Variants in ENTPD3 observed in about 807,000 individuals in gnomAD.
The protein encoded by ENTPD3 is ectonucleoside triphosphate diphosphohydrolase 3.
In ENTPD3, 60 loss-of-function variants were observed where a neutral mutation model predicts 51.2. The observed-to-expected ratio is 1.17, with a 90% CI of 0.95 to 1.45. The LOEUF is 1.45. Among genes scored for constraint, ENTPD3 ranks in the 40% most tolerant of loss-of-function variants. The pLI, the probability that ENTPD3 is intolerant of heterozygous loss-of-function variation, is 0.00. For missense variants in ENTPD3, 593 were observed against 641.1 expected (o/e 0.93, Z 0.81); for synonymous variants, 221 against 238.4 (o/e 0.93, Z 0.67).
intron 8 of ENTPD3, 83 bp from the exon 9 acceptor site, chr3:40,423,208 C>T (rs1471222087): frequency 6.4e-7 from 1 of 1,552,394 alleles, no homozygotes; most frequent in Non-Finnish European, 8.8e-7. Context: ...GACTTGTTAG[C>T]CACCTTCTTA....
intron 7 of ENTPD3, 121 bp from the exon 8 acceptor site, chr3:40,422,729 T>C (rs954740855): frequency 2.6e-5 from 20 of 766,034 alleles, no homozygotes; most frequent in Non-Finnish European, 4.1e-5. Flanking sequence ...GGTGTATATG[T>C]GCCATATTTT....
chr3:40,414,840 G>A lies in ENTPD3; in HGVS notation c.597G>A (p.Glu199=), dbSNP rs1056162441. 6 of 1,613,948 alleles carry A rather than the reference G, an allele frequency of 3.7e-6. No individual in the cohort carries two copies. The highest frequency in any genetic ancestry group is 1.7e-5 in the Admixed American group (1 of 60,020). Residue 199 remains glutamate, a splice_region_variant and synonymous_variant, in exon 6 of 11, where the codon GAG becomes GAA. Transcript: ENST00000301825. The part of the protein sequence containing the change: ...TANYLMGNFL[E]KNLWHMWVHP... ...ACTATTTAATGGGAAATTTCCTGGA[G>A]GTGTGTGCAAACAAATGCATGGTTT...
At chr3:40,425,059 C>A in intron 10 of ENTPD3, 1 of 273,652 alleles carries the variant, frequency 3.7e-6, no homozygotes, top group Non-Finnish European at 7.1e-6. Flanking sequence ...ACATAATATT[C>A]TAAGTTAAAA....
chr3:40,391,544 C>G (rs1303634751), intron 2 of ENTPD3: 1 of 155,216 alleles, frequency 6.4e-6, no homozygotes, highest in Non-Finnish European at 1.4e-5. Flanking sequence ...GCCGTGGTAG[C>G]AGGCACCTGT....
chr3:40,399,324 A>G (rs1237779905), intron 3 of ENTPD3: 1 of 151,990 alleles, frequency 6.6e-6, no homozygotes, highest in Non-Finnish European at 1.5e-5. Context: ...TTGTGATTTT[A>G]TTTGTTTCTT....
chr3:40,389,608 A>C (rs935237842), intron 2 of ENTPD3, among the ~76,000 whole-genome samples: 1 of 152,176 alleles, frequency 6.6e-6, no homozygotes, highest in Non-Finnish European at 1.5e-5. Context: ...TTTCAATGAC[A>C]AGGTAGGAGG....
intron 5 of ENTPD3, among the ~76,000 whole-genome samples, chr3:40,413,611 C>T (rs1467089730): frequency 2.0e-5 from 3 of 152,136 alleles, no homozygotes. Context: ...TCCCCTCCCT[C>T]CCCCAGTCTT....
intron 4 of ENTPD3, among the ~76,000 whole-genome samples, chr3:40,402,092 A>G (rs889359306): frequency 2.0e-4 from 25 of 123,004 alleles, no homozygotes; most frequent in African/African-American, 6.6e-4. Flanking sequence ...ATGAGTAACT[A>G]TCTTGTTCAT....
intron 7 of ENTPD3, among the ~76,000 whole-genome samples, chr3:40,422,035 CAAGTG>C (rs775834986): frequency 6.6e-6 from 1 of 151,806 alleles, no homozygotes; most frequent in Non-Finnish European, 1.5e-5. Context: ...ATTTTCTCAC[CAAGTG>C]AAGTTCATAA....
At chr3:40,403,398 A>C (rs933473318) in intron 4 of ENTPD3, among the ~76,000 whole-genome samples, 10 of 152,156 alleles carry the variant, frequency 6.6e-5, no homozygotes, top group Admixed American at 3.9e-4. Flanking sequence ...CTCAGGCCTG[A>C]TGAAGCTTCA....
At chr3:40,403,870 AACTT>A (rs1955430775) in intron 4 of ENTPD3, among the ~76,000 whole-genome samples, 3 of 151,976 alleles carry the variant, frequency 2.0e-5, no homozygotes, top group African/African-American at 7.3e-5. Flanking sequence ...GCTGGTCTTG[AACTT>A]CTGGGCTCAA....
intron 4 of ENTPD3, among the ~76,000 whole-genome samples, chr3:40,410,253 C>T (rs1271327443): frequency 6.6e-6 from 1 of 151,962 alleles, no homozygotes; most frequent in Non-Finnish European, 1.5e-5. Context: ...CCAGCCTGGC[C>T]AACATGGCAA....
chr3:40,427,887 A>C lies in ENTPD3; in HGVS notation c.*379A>C, dbSNP rs987852705. On this transcript the variant is annotated 3_prime_UTR_variant, in exon 11 of 11. Transcript: ENST00000301825. ...TCCCTCCCTCAGTATTCTTCCTGGC[A>C]AGATACCCATTAAGCATTTCGCCAA... 3.4e-5 allele frequency: 8 copies of C among 238,612 alleles called. No individual in the cohort carries two copies. In the Admixed American group the frequency reaches 3.6e-4, roughly 11 times the overall value. The allele number at this position is 238,612 out of a possible 1,614,324, so 14.8% of individuals were successfully genotyped here.
Sources: allele counts gnomAD v4.1 joint callset (sites outside exome capture counted in the v4.1 genomes callset), GRCh38; gene constraint gnomAD v4.1.1; transcripts MANE v1.5; gene names NCBI Gene and HGNC (gene_info 2026-07-23, HGNC 2026-07-21).